The following DSCAML1 variants were observed in gnomAD, a reference collection of about 807,000 sequenced individuals.
DSCAML1 encodes the protein DS cell adhesion molecule like 1, also known as cell adhesion molecule DSCAML1.
DSCAML1 carries 38 observed loss-of-function variants against 200.5 expected under a neutral mutation model. The ratio of observed to expected loss-of-function variants is 0.19; its 90% CI spans 0.15 to 0.25. DSCAML1 has a LOEUF of 0.25. Ranked by LOEUF, DSCAML1 falls within the 10% of genes least tolerant of loss-of-function variation. The pLI, the probability that DSCAML1 is intolerant of heterozygous loss-of-function variation, is 1.00. For missense variants in DSCAML1, 2,223 were observed against 2,858.8 expected, an observed-to-expected ratio of 0.78 and a Z score of 5.07; for synonymous variants, 1,215 against 1,165.0, an observed-to-expected ratio of 1.04 and a Z score of -0.87.
chr11:117,472,112 A>G, intron 14 of DSCAML1, 76 bp from the exon 15 acceptor site: 5 of 1,554,200 alleles, frequency 3.2e-6, no homozygotes, highest in Non-Finnish European at 4.4e-6. Context: ...GTACCAGTAC[A>G]ACCCAATATT....
intron 3 of DSCAML1, among the ~76,000 whole-genome samples, chr11:117,697,481 C>T (rs988971133): frequency 1.3e-5 from 2 of 152,032 alleles, no homozygotes; most frequent in South Asian, 2.1e-4. Flanking sequence ...TTTAAGTGTA[C>T]CATTCAGCAG....
chr11:117,807,697 C>A (rs2055718766), intron 1 of DSCAML1, among the ~76,000 whole-genome samples: 1 of 152,296 alleles, frequency 6.6e-6, no homozygotes, highest in African/African-American at 2.4e-5. Context: ...TATGAGAAAC[C>A]TTTGGGCGGG....
At chr11:117,717,641 C>T (rs534651161) in intron 3 of DSCAML1, among the ~76,000 whole-genome samples, 11 of 152,322 alleles carry the variant, frequency 7.2e-5, no homozygotes, top group Admixed American at 6.5e-4. Flanking sequence ...GTGTTCTAGG[C>T]TGGTGAACAG....
chr11:117,614,207 A>G (rs1243103330), intron 3 of DSCAML1, among the ~76,000 whole-genome samples: 1 of 152,088 alleles, frequency 6.6e-6, no homozygotes, highest in East Asian at 1.9e-4. Flanking sequence ...TTCCCCATCA[A>G]CTAAGCTCCT....
In DSCAML1 at chr11:117,474,757, C is replaced by CT. The variant is rs1203423601; in HGVS notation, c.2786-2722dup. On this transcript the variant is annotated intron_variant, in intron 14 of 32. Coordinates refer to ENST00000651296, the MANE Select transcript of DSCAML1 (RefSeq NM_020693.4). ...TGTGTTCTGTGTCATTCCTTTTTTC[C>CT]TTTTTTTTTTTTTTTGAGATGGAGT... 7.9e-3 allele frequency among the ~76,000 whole-genome samples: 1,122 copies of CT among 141,302 alleles called. 7 individuals are homozygous for CT. The highest frequency in any genetic ancestry group is 0.039 in the East Asian group (192 of 4,930). The allele number at this position is 141,302 out of a possible 152,430, so 92.7% of individuals were successfully genotyped here.
At chr11:117,685,934 G>A (rs879914330) in intron 3 of DSCAML1, among the ~76,000 whole-genome samples, 20 of 152,172 alleles carry the variant, frequency 1.3e-4, no homozygotes, top group Non-Finnish European at 2.8e-4. Flanking sequence ...GCAGGACCTG[G>A]AAAGAGCTTG....
chr11:117,488,585 C>G (rs985812783), intron 11 of DSCAML1, among the ~76,000 whole-genome samples: 3 of 152,060 alleles, frequency 2.0e-5, no homozygotes, highest in African/African-American at 7.2e-5. Flanking sequence ...GTCAGAAACA[C>G]ACCTCAACAG....
At chr11:117,527,379 G>C (rs950729782) in intron 4 of DSCAML1, among the ~76,000 whole-genome samples, 3 of 152,170 alleles carry the variant, frequency 2.0e-5, no homozygotes, top group Admixed American at 6.5e-5. Flanking sequence ...GTCAGCACCT[G>C]GAAGACCGAG....
chr11:117,520,550 C>T (rs552277826), intron 6 of DSCAML1, among the ~76,000 whole-genome samples: 1 of 151,988 alleles, frequency 6.6e-6, no homozygotes, highest in South Asian at 2.1e-4. Context: ...CTGCTCTGTC[C>T]CTTGGGCAGA....
At chr11:117,441,607 C>T (rs2048050786) in intron 21 of DSCAML1, among the ~76,000 whole-genome samples, 1 of 152,120 alleles carries the variant, frequency 6.6e-6, no homozygotes, top group Non-Finnish European at 1.5e-5. Flanking sequence ...TTTAAAGGAA[C>T]CAAGTGCCCA....
At chr11:117,583,228 C>T (rs1591292068) in intron 3 of DSCAML1, among the ~76,000 whole-genome samples, 1 of 151,996 alleles carries the variant, frequency 6.6e-6, no homozygotes, top group Non-Finnish European at 1.5e-5. Flanking sequence ...TGCAGCTTCC[C>T]TTACCAGCCA....
In DSCAML1 at chr11:117,480,359, T is replaced by C. The variant is rs1248316135; in HGVS notation, c.2785+84A>G. 1 of 1,571,278 alleles carries C rather than the reference T, an allele frequency of 6.4e-7. No homozygotes were observed. Among genetic ancestry groups the C allele is most frequent in the African/African-American group, 1.3e-5 (1 of 74,210 alleles). ...ATGGGCAGCCCTAAGGCTCAGGGGC[T>C]CTCCTCCCAGAGGGCACAGGCAGGA... is the stretch of plus-strand genomic sequence containing the variant. On this transcript the variant is annotated intron_variant, in intron 14 of 32. Coordinates refer to ENST00000651296, the MANE Select transcript of DSCAML1 (RefSeq NM_020693.4). This position sits in a 1 kb window ranked among gnomAD's most constrained non-coding sequence, Gnocchi z 4.1.
Position 117,433,220 on chromosome 11 carries a change from C to A in DSCAML1, c.4944G>T (p.Gly1648=). The A allele has an allele frequency of 6.2e-7, 1 of 1,613,254 alleles. No homozygotes were observed. Among genetic ancestry groups the A allele is most frequent in the East Asian group, 2.2e-5 (1 of 44,864 alleles). ...TGTGTAGCCGTGGGCCCTGGGGTGG[C>A]CCTTTCACAGGGGTGTCAAAGCTTC... The part of the protein sequence containing the change: ...NNRSFDTPVK[G]PPQGPRLHID... The change falls in exon 29 of 33, where the codon GGG becomes GGT. Residue 1648 remains glycine, a synonymous_variant. Transcript: ENST00000651296.
intron 3 of DSCAML1, among the ~76,000 whole-genome samples, chr11:117,753,560 G>A (rs1488478132): frequency 6.6e-6 from 1 of 152,230 alleles, no homozygotes; most frequent in African/African-American, 2.4e-5. Context: ...AGCAACCTCA[G>A]GGTAATAATA....
At chr11:117,804,256 AG>A (rs780658954) in intron 1 of DSCAML1, among the ~76,000 whole-genome samples, 2 of 152,216 alleles carry the variant, frequency 1.3e-5, no homozygotes, top group Non-Finnish European at 2.9e-5. Flanking sequence ...AGAATCTGAG[AG>A]GGGGCAGTGC....
intron 3 of DSCAML1, among the ~76,000 whole-genome samples, chr11:117,758,160 G>T (rs2054729293): frequency 6.6e-6 from 1 of 151,978 alleles, no homozygotes; most frequent in South Asian, 2.1e-4. Flanking sequence ...AATTAGCTGG[G>T]CATGGTGGCA....
At chr11:117,512,705 T>C (rs2137295085) in intron 8 of DSCAML1, among the ~76,000 whole-genome samples, 2 of 141,142 alleles carry the variant, frequency 1.4e-5, no homozygotes, top group South Asian at 4.6e-4. Context: ...ATGCACAGCT[T>C]ATGCTGGGTG....
At chr11:117,607,039 G>C (rs573043810) in intron 3 of DSCAML1, among the ~76,000 whole-genome samples, 8 of 152,258 alleles carry the variant, frequency 5.3e-5, no homozygotes, top group Non-Finnish European at 8.8e-5. Context: ...GGACCAGACA[G>C]TGTTCTAGGC....
intron 3 of DSCAML1, among the ~76,000 whole-genome samples, chr11:117,686,530 G>C (rs1406538569): frequency 6.6e-6 from 1 of 152,228 alleles, no homozygotes; most frequent in African/African-American, 2.4e-5. Context: ...CTACACTGCA[G>C]AGTCCTGGGC....
Sources: gnomAD v4.1 joint callset for allele counts (sites outside exome capture counted in the v4.1 genomes callset) on GRCh38, gnomAD v4.1.1 for gene constraint, Gnocchi (gnomAD v3.1) non-coding constraint, MANE v1.5 for transcripts, NCBI Gene and HGNC (gene_info 2026-07-23, HGNC 2026-07-21) for gene names.